SEPTIN6: variants seen among roughly 807,000 people sequenced by gnomAD.
The protein encoded by SEPTIN6 is septin 6.
Under a neutral mutation model 33.6 loss-of-function variants are expected in SEPTIN6, and 8 were observed. The ratio of observed to expected loss-of-function variants is 0.24; its 90% CI spans 0.14 to 0.43. The LOEUF is 0.43. Among genes scored for constraint, SEPTIN6 ranks in the 20% least tolerant of loss-of-function variants. The probability of loss-of-function intolerance (pLI) is 1.00; values close to 1 mark genes in which losing one functional copy is unlikely to be tolerated. For synonymous variants in SEPTIN6, 131 were observed against 140.0 expected, an observed-to-expected ratio of 0.94 and a Z score of 0.45; for missense variants, 250 against 340.8, an observed-to-expected ratio of 0.73 and a Z score of 2.10.
At chrX:119,683,157 G>A (rs968262555) in intron 1 of SEPTIN6, among the ~76,000 whole-genome samples, 15 of 112,706 alleles carry the variant, frequency 1.3e-4, no homozygotes, top group Non-Finnish European at 1.9e-4. Flanking sequence ...GGAGGCTGAG[G>A]CAGGAGAATC....
intron 8 of SEPTIN6, among the ~76,000 whole-genome samples, 198 bp from the exon 9 acceptor site, chrX:119,629,706 C>T (rs1055835675): frequency 8.9e-6 from 1 of 111,937 alleles, no homozygotes; most frequent in Non-Finnish European, 1.9e-5. Context: ...GCCATTTTAT[C>T]TCCAAGTCTC....
intron 1 of SEPTIN6, among the ~76,000 whole-genome samples, chrX:119,676,464 C>CAAA (rs36057688): frequency 4.7e-5 from 4 of 84,493 alleles, no homozygotes; most frequent in East Asian, 7.5e-4. Context: ...AACTCTGTCT[C>CAAA]AAAAAAAAAA....
chrX:119,618,607 T>C lies in SEPTIN6; in HGVS notation c.*1486A>G. 2 of 1,042,902 alleles carry C rather than the reference T, an allele frequency of 1.9e-6. No homozygotes were observed. Among genetic ancestry groups the C allele is most frequent in the Non-Finnish European group, 1.2e-6 (1 of 808,141 alleles). The allele number at this position is 1,042,902 out of a possible 1,213,427, so 85.9% of individuals were successfully genotyped here. On this transcript the variant is annotated 3_prime_UTR_variant, in exon 11 of 11. Coordinates refer to ENST00000394610, the MANE Select transcript of SEPTIN6 (RefSeq NM_145799.4). ...GTGGGGCTGGGAGGCAGGAGCAAGT[T>C]GCGGAACTCAAAAAGAAGAAGTGAG... is the stretch of plus-strand genomic sequence containing the variant.
At chrX:119,690,360 C>T (rs2055147927) in intron 1 of SEPTIN6, among the ~76,000 whole-genome samples, 1 of 107,955 alleles carries the variant, frequency 9.3e-6, no homozygotes, top group Non-Finnish European at 1.9e-5. Context: ...CACACACACA[C>T]ACACACACAC....
At chrX:119,658,579 A>C (rs2054491112) in intron 3 of SEPTIN6, among the ~76,000 whole-genome samples, 1 of 112,256 alleles carries the variant, frequency 8.9e-6, no homozygotes, top group Non-Finnish European at 1.9e-5. Context: ...CTGGGTCATA[A>C]ATTATTCACA....
Position 119,618,230 on chromosome X carries a change from A to G in SEPTIN6, c.*1863T>C. On this transcript the variant is annotated 3_prime_UTR_variant, in exon 11 of 11. Coordinates refer to ENST00000394610, the MANE Select transcript of SEPTIN6 (RefSeq NM_145799.4). ...CTCCAAGCATATGGTCTTCAAAAAA[A>G]TACTCCACTGTAACTTGAATTTTCC... The G allele has an allele frequency of 1.2e-6, 1 of 800,491 alleles. No homozygotes were observed. The allele number at this position is 800,491 out of a possible 1,213,427, so 66.0% of individuals were successfully genotyped here.
In SEPTIN6 at chrX:119,618,165, ATTTTTT is replaced by A. The variant is rs57766875; in HGVS notation, c.*1922_*1927del. The A allele has an allele frequency of 2.0e-5, 14 of 686,837 alleles. No homozygotes were observed. The highest frequency in any genetic ancestry group is 2.6e-4 in the Admixed American group (2 of 7,839). The allele number at this position is 686,837 out of a possible 1,213,427, so 56.6% of individuals were successfully genotyped here. A position where few individuals can be genotyped will look rare whatever the true frequency, so the allele number is the denominator to read the frequency against. ...AGCTACTGGCTGAGTATCTGAGCAGATTTTTTTTTTTTTTTTTTTGGTCGTTGGTTT... is the reference window on the plus strand; with the variant it reads ...AGCTACTGGCTGAGTATCTGAGCAGATTTTTTTTTTTTTGGTCGTTGGTTT... On this transcript the variant is annotated 3_prime_UTR_variant, in exon 11 of 11. Transcript: ENST00000394610.
chrX:119,618,825 G>T lies in SEPTIN6; in HGVS notation c.*1268C>A. On this transcript the variant is annotated 3_prime_UTR_variant, in exon 11 of 11. Transcript: ENST00000394610. ...GCAGAGAGACGGCATGTTAGCCACA[G>T]ATCATTGCCAGGTCAACTCCATCTC... is the stretch of plus-strand genomic sequence containing the variant. 1 of 1,208,720 alleles carries T rather than the reference G, an allele frequency of 8.3e-7. No homozygotes were observed. Among genetic ancestry groups the T allele is most frequent in the Admixed American group, 2.2e-5 (1 of 45,748 alleles).
chrX:119,618,658 T>TG lies in SEPTIN6; in HGVS notation c.*1434dup. 3.4e-6 allele frequency: 4 copies of TG among 1,168,493 alleles called. No individual in the cohort carries two copies. The highest frequency in any genetic ancestry group is 2.5e-4 in the Middle Eastern group (1 of 4,025). On this transcript the variant is annotated 3_prime_UTR_variant, in exon 11 of 11. Transcript: ENST00000394610. ...CTTGAAGTACATGGCAGGATAGGGGTGGGGGGCCTCGCTGCCTGGCACCCC... is the reference window on the plus strand; with the variant it reads ...CTTGAAGTACATGGCAGGATAGGGGTGGGGGGGCCTCGCTGCCTGGCACCCC...
intron 1 of SEPTIN6, among the ~76,000 whole-genome samples, chrX:119,683,312 C>T (rs929277154): frequency 8.0e-5 from 9 of 111,834 alleles, no homozygotes; most frequent in African/African-American, 2.3e-4. Flanking sequence ...ACACTGAAAC[C>T]GGACTCTCTT....
At chrX:119,624,570 T>G (rs997596661) in intron 10 of SEPTIN6, among the ~76,000 whole-genome samples, 1 of 111,425 alleles carries the variant, frequency 9.0e-6, no homozygotes, top group African/African-American at 3.3e-5. Flanking sequence ...GAAGTGAGTT[T>G]CCATTGACTC....
At chrX:119,616,922 G>C (rs369084654), downstream of SEPTIN6, 11 of 1,070,889 alleles carry the variant, frequency 1.0e-5, no homozygotes, top group Non-Finnish European at 3.6e-6. Context: ...TGCTGAGAAG[G>C]TTTTAAGAAC....
intron 10 of SEPTIN6, among the ~76,000 whole-genome samples, chrX:119,624,962 C>T (rs1192008914): frequency 9.0e-6 from 1 of 111,364 alleles, no homozygotes; most frequent in Non-Finnish European, 1.9e-5. Flanking sequence ...CTGCCCTCCT[C>T]GGCCTACCAA....
chrX:119,676,870 G>A (rs745757130), intron 1 of SEPTIN6, among the ~76,000 whole-genome samples: 2 of 112,020 alleles, frequency 1.8e-5, no homozygotes, highest in African/African-American at 6.5e-5. Flanking sequence ...AATCTGGCAG[G>A]TGTTAGTTAC....
chrX:119,621,342 C>G (rs1419987982), intron 10 of SEPTIN6, among the ~76,000 whole-genome samples: 1 of 109,923 alleles, frequency 9.1e-6, no homozygotes, highest in Non-Finnish European at 1.9e-5. Flanking sequence ...GACATAAATA[C>G]AGCAAGTAGA....
chrX:119,686,532 TGAA>T, intron 1 of SEPTIN6: 4 of 861,708 alleles, frequency 4.6e-6, no homozygotes, highest in Non-Finnish European at 6.1e-6. Context: ...GAGAAGACAC[TGAA>T]GAAGAGGATA....
chrX:119,691,020 C>T (rs2055163440), intron 1 of SEPTIN6, among the ~76,000 whole-genome samples: 2 of 111,301 alleles, frequency 1.8e-5, no homozygotes, highest in Admixed American at 9.7e-5. Context: ...AACAAGGTCT[C>T]GAGTGCTTAG....
downstream of SEPTIN6, chrX:119,616,725 A>G: frequency 8.3e-7 from 1 of 1,198,554 alleles, no homozygotes; most frequent in East Asian, 3.0e-5. Flanking sequence ...CAGCTGCTGA[A>G]GACAAGATTA....
intron 10 of SEPTIN6, 50 bp from the exon 11 acceptor site, chrX:119,620,101 CAA>C (rs59071899): frequency 0.11 from 70,092 of 631,726 alleles, 2 homozygotes; most frequent in Non-Finnish European, 0.12. Flanking sequence ...ATTAATGTAC[CAA>C]AAAAAAAAAA....
Sources: gnomAD v4.1 joint callset for allele counts (sites outside exome capture counted in the v4.1 genomes callset) on GRCh38, gnomAD v4.1.1 for gene constraint, MANE v1.5 for transcripts, NCBI Gene and HGNC (gene_info 2026-07-23, HGNC 2026-07-21) for gene names.